KIAA1217: variants seen among roughly 807,000 people sequenced by gnomAD.
The protein encoded by KIAA1217 is sickle tail protein homolog.
Under a neutral mutation model 163.9 loss-of-function variants are expected in KIAA1217, and 88 were observed. The ratio of observed to expected loss-of-function variants is 0.54; its 90% CI spans 0.45 to 0.64. The LOEUF (loss-of-function observed/expected upper bound fraction) is 0.64, where lower values mean the gene tolerates loss of function less well. Among genes scored for constraint, KIAA1217 ranks in the 30% least tolerant of loss-of-function variants. The pLI, the probability that KIAA1217 is intolerant of heterozygous loss-of-function variation, is 0.00. For missense variants in KIAA1217, 2,372 were observed against 2,475.0 expected (o/e 0.96, Z 0.88); for synonymous variants, 903 against 923.1 (o/e 0.98, Z 0.39).
intron 2 of KIAA1217, among the ~76,000 whole-genome samples, chr10:24,078,241 A>G (rs2061429535): frequency 6.6e-6 from 1 of 152,186 alleles, no homozygotes; most frequent in African/African-American, 2.4e-5. Context: ...TATTCAGGGA[A>G]GGATTTCACC....
intron 1 of KIAA1217, among the ~76,000 whole-genome samples, chr10:23,898,302 T>TAC (rs1006774089): frequency 7.4e-5 from 10 of 134,998 alleles, no homozygotes; most frequent in Non-Finnish European, 1.0e-4. Context: ...AGACTATATA[T>TAC]ATACACACAC....
intron 2 of KIAA1217, among the ~76,000 whole-genome samples, chr10:24,076,986 C>T (rs1448399036): frequency 6.6e-6 from 1 of 151,394 alleles, no homozygotes; most frequent in Non-Finnish European, 1.5e-5. Context: ...AAGCAGTTCT[C>T]CTGCCTCAGC....
chr10:23,914,762 G>A (rs1381053861), intron 1 of KIAA1217, among the ~76,000 whole-genome samples: 1 of 152,168 alleles, frequency 6.6e-6, no homozygotes, highest in African/African-American at 2.4e-5. Flanking sequence ...CCAGTGCTTA[G>A]GTCCATGGCA....
intron 3 of KIAA1217, among the ~76,000 whole-genome samples, chr10:24,408,650 C>T (rs74122300): frequency 0.057 from 8,616 of 152,278 alleles, 439 homozygotes; most frequent in African/African-American, 0.14. Context: ...GCAACAACCT[C>T]AAGGCCTTTG....
At chr10:24,485,605 A>G (rs1357872905) in intron 6 of KIAA1217, among the ~76,000 whole-genome samples, 5 of 152,130 alleles carry the variant, frequency 3.3e-5, no homozygotes, top group African/African-American at 1.2e-4. Context: ...TGCTTTTACC[A>G]CCATATCCCC....
chr10:24,003,392 T>G (rs1046943947), intron 1 of KIAA1217, among the ~76,000 whole-genome samples: 2 of 152,142 alleles, frequency 1.3e-5, no homozygotes, highest in African/African-American at 4.8e-5. Flanking sequence ...TGGTTTTAAT[T>G]TGCATTTCAC....
intron 2 of KIAA1217, among the ~76,000 whole-genome samples, chr10:24,366,045 T>C (rs1390769745): frequency 1.3e-5 from 2 of 152,188 alleles, no homozygotes; most frequent in Non-Finnish European, 2.9e-5. Context: ...CTGGCAGATA[T>C]TGGGCACAAG....
intron 2 of KIAA1217, among the ~76,000 whole-genome samples, chr10:24,126,007 A>T (rs917721282): frequency 3.3e-5 from 5 of 152,186 alleles, no homozygotes; most frequent in African/African-American, 1.2e-4. Flanking sequence ...TTTCTGCTAC[A>T]ATGTAGCTCA....
intron 1 of KIAA1217, among the ~76,000 whole-genome samples, chr10:23,881,118 G>A (rs1221482564): frequency 6.6e-6 from 1 of 151,756 alleles, no homozygotes; most frequent in Non-Finnish European, 1.5e-5. Context: ...AAATGCTGAA[G>A]CCATGGTTCT....
chr10:24,404,951 A>C (rs539114558), intron 3 of KIAA1217, among the ~76,000 whole-genome samples: 1 of 152,192 alleles, frequency 6.6e-6, no homozygotes, highest in East Asian at 1.9e-4. Flanking sequence ...TGCAGAACGG[A>C]TTAGTAGATG....
intron 2 of KIAA1217, among the ~76,000 whole-genome samples, chr10:24,164,818 A>T (rs563960287): frequency 2.6e-5 from 4 of 152,304 alleles, no homozygotes; most frequent in Non-Finnish European, 5.9e-5. Flanking sequence ...GTTGTGCCCC[A>T]GGAAGAAAAG....
At chr10:24,212,728 C>G (rs1224298368) in intron 1 of KIAA1217, among the ~76,000 whole-genome samples, 2 of 152,170 alleles carry the variant, frequency 1.3e-5, no homozygotes, top group Non-Finnish European at 2.9e-5. Context: ...TCTATCATTG[C>G]ATTCTCTCTT....
chr10:24,283,841 A>G (rs890108834), intron 2 of KIAA1217, among the ~76,000 whole-genome samples: 1 of 151,768 alleles, frequency 6.6e-6, no homozygotes, highest in African/African-American at 2.4e-5. Context: ...GTAGTATCAC[A>G]TTGTTGTTTT....
upstream of KIAA1217, among the ~76,000 whole-genome samples, chr10:24,206,533 A>C (rs148784573): frequency 6.6e-6 from 1 of 152,234 alleles, no homozygotes; most frequent in Non-Finnish European, 1.5e-5. Flanking sequence ...GATATGGAAT[A>C]GTCGGTGCAA....
intron 1 of KIAA1217, among the ~76,000 whole-genome samples, chr10:23,813,046 A>G (rs1837147170): frequency 6.6e-6 from 1 of 152,050 alleles, no homozygotes; most frequent in African/African-American, 2.4e-5. Flanking sequence ...ACCATGTTAC[A>G]TGTTCACCAG....
chr10:24,297,163 A>T (rs1315379271), intron 2 of KIAA1217, among the ~76,000 whole-genome samples: 3 of 152,222 alleles, frequency 2.0e-5, no homozygotes, highest in South Asian at 2.1e-4. Flanking sequence ...ACCACCCACT[A>T]TGGCATATTG....
At chr10:24,451,551 G>A (rs1042700385) in intron 5 of KIAA1217, among the ~76,000 whole-genome samples, 3 of 152,208 alleles carry the variant, frequency 2.0e-5, no homozygotes, top group Non-Finnish European at 2.9e-5. Context: ...CACAACACAG[G>A]CTTCAGGATC....
intron 2 of KIAA1217, among the ~76,000 whole-genome samples, chr10:24,125,211 A>G (rs2063424803): frequency 2.0e-5 from 3 of 152,052 alleles, no homozygotes; most frequent in Admixed American, 6.6e-5. Context: ...GATGGAGGTT[A>G]CAGTGAGCTG....
intron 1 of KIAA1217, among the ~76,000 whole-genome samples, chr10:23,708,118 C>A (rs141739186): frequency 0.022 from 3,360 of 152,238 alleles, 71 homozygotes; most frequent in Middle Eastern, 0.071. Context: ...TCTTACATGG[C>A]AGCAGACAAG....
Sources: allele counts gnomAD v4.1 joint callset (sites outside exome capture counted in the v4.1 genomes callset), GRCh38; gene constraint gnomAD v4.1.1; transcripts MANE v1.5; gene names NCBI Gene and HGNC (gene_info 2026-07-23, HGNC 2026-07-21).